Variants in ECT2 observed in about 807,000 individuals in gnomAD.
ECT2 encodes epithelial cell transforming 2.
ECT2 carries 61 observed loss-of-function variants against 116.9 expected under a neutral mutation model. The observed-to-expected ratio is 0.52, with a 90% CI of 0.42 to 0.65. The LOEUF (loss-of-function observed/expected upper bound fraction) is 0.65, where lower values mean the gene tolerates loss of function less well. Among genes scored for constraint, ECT2 ranks in the 30% least tolerant of loss-of-function variants. The pLI is 0.00. For synonymous variants in ECT2, 358 were observed against 346.4 expected (o/e 1.03, Z -0.37); for missense variants, 937 against 1,078.7 (o/e 0.87, Z 1.84).
At chr3:172,788,044 A>C (rs1407705780) in intron 18 of ECT2, among the ~76,000 whole-genome samples, 1 of 152,190 alleles carries the variant, frequency 6.6e-6, no homozygotes, top group African/African-American at 2.4e-5. Flanking sequence ...TGCCTTTCTC[A>C]TAGATTTTCA....
chr3:172,771,607 A>G lies in ECT2; in HGVS notation c.1429-2296A>G, dbSNP rs144189440. Among the ~76,000 whole-genome samples, 23 of 152,320 alleles carry G rather than the reference A, an allele frequency of 1.5e-4. No homozygotes were observed. In the East Asian group the frequency reaches 3.5e-3, roughly 23 times the overall value. On this transcript the variant is annotated intron_variant, in intron 13 of 24. Transcript: ENST00000392692. ...AGGCCTTTGAGTGGTGTGCTATATTATCTAAGCTATAGAATAATTTTTTTA... is the reference window on the plus strand; with the variant it reads ...AGGCCTTTGAGTGGTGTGCTATATTGTCTAAGCTATAGAATAATTTTTTTA...
At position 172,754,349 on chromosome 3, in the gene ECT2, A is replaced by C. The variant is rs998175443; in HGVS notation, c.-22-160A>C. 1.8e-5 allele frequency: 9 copies of C among 508,868 alleles called. No homozygotes were observed. In the African/African-American group the frequency reaches 1.8e-4, roughly 10 times the overall value. The allele number at this position is 508,868 out of a possible 1,614,324, so 31.5% of individuals were successfully genotyped here. On this transcript the variant is annotated intron_variant, in intron 1 of 24. Transcript: ENST00000392692. Reference sequence around the variant, plus strand: ...GGTATTAGTATGTTTATTTTACAGAAAAAGAAACTGAGGCTCAGAGAAGGT... The same window carrying C: ...GGTATTAGTATGTTTATTTTACAGACAAAGAAACTGAGGCTCAGAGAAGGT...
chr3:172,795,618 A>G (rs1040440496), intron 18 of ECT2, among the ~76,000 whole-genome samples: 19 of 152,198 alleles, frequency 1.2e-4, no homozygotes, highest in Admixed American at 1.2e-3. Flanking sequence ...GATTAATAAA[A>G]ATAACAAAAT....
At chr3:172,814,237 A>G (rs756047600) in intron 22 of ECT2, among the ~76,000 whole-genome samples, 1 of 152,134 alleles carries the variant, frequency 6.6e-6, no homozygotes, top group Non-Finnish European at 1.5e-5. Context: ...AGCAAGCATT[A>G]TAATTGTTGA....
At chr3:172,816,970 A>G (rs1729830081) in intron 24 of ECT2, 133 bp downstream of exon 24, 2 of 635,356 alleles carry the variant, frequency 3.1e-6, no homozygotes, top group Admixed American at 3.2e-5. Flanking sequence ...CCAGTATGCT[A>G]AAATATTATC....
intron 22 of ECT2, among the ~76,000 whole-genome samples, chr3:172,813,858 GA>G (rs1318462935): frequency 4.6e-5 from 7 of 151,542 alleles, no homozygotes; most frequent in African/African-American, 1.7e-4. Flanking sequence ...ACAGCTAATT[GA>G]AAAACATAAG....
chr3:172,782,326 G>T, intron 15 of ECT2, 95 bp downstream of exon 15: 2 of 585,896 alleles, frequency 3.4e-6, no homozygotes, highest in East Asian at 6.4e-5. Context: ...AATGTGAGAG[G>T]TTTTAAAACT....
At chr3:172,784,118 T>C (rs1173402033) in intron 16 of ECT2, among the ~76,000 whole-genome samples, 1 of 152,068 alleles carries the variant, frequency 6.6e-6, no homozygotes, top group Non-Finnish European at 1.5e-5. Flanking sequence ...GCTGAGTGAA[T>C]AAGAATGTTA....
At chr3:172,779,895 C>CAAAAA (rs60162451) in intron 14 of ECT2, among the ~76,000 whole-genome samples, 46 of 107,070 alleles carry the variant, frequency 4.3e-4, no homozygotes, top group African/African-American at 1.4e-3. Flanking sequence ...GACCCTGTCT[C>CAAAAA]AAAAAAAAAA....
chr3:172,779,407 C>T (rs1261937055), intron 14 of ECT2, among the ~76,000 whole-genome samples: 4 of 152,016 alleles, frequency 2.6e-5, no homozygotes, highest in Non-Finnish European at 5.9e-5. Flanking sequence ...TAGTTTTTCT[C>T]GCTTTTGAAC....
Position 172,816,674 on chromosome 3 carries a change from T to C in ECT2, c.2509-17T>C, listed in dbSNP as rs1364060342. 6.4e-7 allele frequency: 1 copy of C among 1,573,856 alleles called. No homozygotes were observed. ...TTGAATTTGTCTAGGTTTAACTAAT[T>C]GTAACTTAAACTCTAGGTTACAAGA... On this transcript the variant is annotated splice_polypyrimidine_tract_variant and intron_variant, in intron 23 of 24. Transcript: ENST00000392692.
Position 172,805,100 on chromosome 3 carries a change from A to C in ECT2, c.2107-631A>C, listed in dbSNP as rs543703656. 9.9e-5 allele frequency among the ~76,000 whole-genome samples: 15 copies of C among 152,266 alleles called. No homozygotes were observed. In the South Asian group the frequency reaches 3.1e-3, roughly 32 times the overall value. On this transcript the variant is annotated intron_variant, in intron 20 of 24. Coordinates refer to ENST00000392692, the MANE Select transcript of ECT2 (RefSeq NM_001258315.2). The stretch of plus-strand genomic sequence containing the variant: ...AAATTGGCAATGGAAATTATGGTAC[A>C]TTCTTAACCTGATAAAAACCTATAG...
chr3:172,788,855 C>T (rs961892957), intron 18 of ECT2, among the ~76,000 whole-genome samples: 3 of 151,964 alleles, frequency 2.0e-5, no homozygotes, highest in South Asian at 2.1e-4. Context: ...GTCAGGAGTT[C>T]GAGACCAGCC....
chr3:172,817,286 T>G (rs1729913367), intron 24 of ECT2, among the ~76,000 whole-genome samples: 1 of 152,082 alleles, frequency 6.6e-6, no homozygotes. Flanking sequence ...TATCCAAACC[T>G]CTAACCTCTT....
chr3:172,757,930 C>T (rs1275440332), intron 5 of ECT2, among the ~76,000 whole-genome samples: 4 of 151,752 alleles, frequency 2.6e-5, no homozygotes, highest in Non-Finnish European at 4.4e-5. Context: ...GATCTCTGCT[C>T]ACTGCAACCT....
rs34169147 is a variant in ECT2, at chr3:172,757,415, C to CTTT, written c.486+267_486+269dup. The stretch of plus-strand genomic sequence containing the variant: ...CATATACACAGACAAATACATAGTC[C>CTTT]TTTTTTTTTTTTTTTTTTTGAGACG... On this transcript the variant is annotated intron_variant, in intron 5 of 24. Transcript: ENST00000392692. 1.5e-3 allele frequency among the ~76,000 whole-genome samples: 184 copies of CTTT among 120,410 alleles called. 1 individual carries two copies. Among genetic ancestry groups the CTTT allele is most frequent in the African/African-American group, 3.4e-3 (109 of 32,438 alleles). The allele number at this position is 120,410 out of a possible 152,430, so 79.0% of individuals were successfully genotyped here. A position where few individuals can be genotyped will look rare whatever the true frequency, so the allele number is the denominator to read the frequency against.
rs544904262 is a variant in ECT2 at position 172,781,634 on chromosome 3, A to G, written c.1549-529A>G. On this transcript the variant is annotated intron_variant, in intron 14 of 24. Coordinates refer to ENST00000392692, the MANE Select transcript of ECT2 (RefSeq NM_001258315.2). ...TACAAAGAAGTAATATTTTAGAATG[A>G]CCATGAAGAATTAACAAACTATGGT... Among the ~76,000 whole-genome samples, 4 of 152,318 alleles carry G rather than the reference A, an allele frequency of 2.6e-5. No homozygotes were observed. The South Asian group carries it at 6.2e-4, about 24-fold the overall frequency.
Position 172,814,133 on chromosome 3 carries a change from A to G in ECT2, c.2401-1471A>G, listed in dbSNP as rs116557392. On this transcript the variant is annotated intron_variant, in intron 22 of 24. Coordinates refer to ENST00000392692, the MANE Select transcript of ECT2 (RefSeq NM_001258315.2). ...TTGATCAAGTGGAAAGAGAGGTTCT[A>G]TAGCAGGCAGAGGGGATGTGGTTGT... 7.2e-3 allele frequency among the ~76,000 whole-genome samples: 1,101 copies of G among 152,252 alleles called. 12 individuals are homozygous for G. Among genetic ancestry groups the G allele is most frequent in the Non-Finnish European group, 0.012 (826 of 67,988 alleles).
At chr3:172,786,342 G>A (rs1393243891) in intron 17 of ECT2, 151 bp from the exon 18 acceptor site, 1 of 541,142 alleles carries the variant, frequency 1.8e-6, no homozygotes, top group Admixed American at 3.3e-5. Context: ...TAATAAGAGA[G>A]CTTTTTAGGG....
Sources: gnomAD v4.1 joint callset for allele counts (sites outside exome capture counted in the v4.1 genomes callset) on GRCh38, gnomAD v4.1.1 for gene constraint, MANE v1.5 for transcripts, NCBI Gene and HGNC (gene_info 2026-07-23, HGNC 2026-07-21) for gene names.